Variants in ADGRF5 observed in about 807,000 individuals in gnomAD.
ADGRF5 encodes adhesion G protein-coupled receptor F5, also known as G-protein coupled receptor 116.
ADGRF5 carries 75 observed loss-of-function variants against 132.3 expected under a neutral mutation model. That is an observed-to-expected ratio of 0.57 (90% confidence interval 0.47 to 0.69). The LOEUF (loss-of-function observed/expected upper bound fraction) is 0.69, where lower values mean the gene tolerates loss of function less well. Among genes scored for constraint, ADGRF5 ranks in the 30% least tolerant of loss-of-function variants. The pLI, the probability that ADGRF5 is intolerant of heterozygous loss-of-function variation, is 0.00. For synonymous variants in ADGRF5, 629 were observed against 597.6 expected, an observed-to-expected ratio of 1.05 and a Z score of -0.77; for missense variants, 1,516 against 1,630.6, an observed-to-expected ratio of 0.93 and a Z score of 1.21.
rs574350558 is a variant in ADGRF5 at position 46,885,913 on chromosome 6, C to A, written c.329-1642G>T. On this transcript the variant is annotated intron_variant, in intron 4 of 20. Coordinates refer to ENST00000283296, the MANE Select transcript of ADGRF5 (RefSeq NM_001098518.2). ...TATAAATACAATGATTTAAAAAACT[C>A]TCAGATAATAACTGTTTGTTATTTT... 5.9e-5 allele frequency among the ~76,000 whole-genome samples: 9 copies of A among 152,306 alleles called. No individual in the cohort carries two copies. The South Asian group carries it at 1.9e-3, about 32-fold the overall frequency.
At chr6:46,881,652 A>G in intron 7 of ADGRF5, 55 bp from the exon 8 acceptor site, 3 of 1,509,242 alleles carry the variant, frequency 2.0e-6, no homozygotes, top group Middle Eastern at 3.5e-4. Flanking sequence ...AAGAGTCTAG[A>G]TATTTATGGC....
intron 1 of ADGRF5, among the ~76,000 whole-genome samples, chr6:46,951,894 G>A (rs1778514270): frequency 6.6e-6 from 1 of 152,192 alleles, no homozygotes; most frequent in Non-Finnish European, 1.5e-5. Flanking sequence ...TAATAAAATG[G>A]CTCTCTTAAG....
chr6:46,860,050 G>A (rs572037016), intron 16 of ADGRF5, among the ~76,000 whole-genome samples: 4 of 152,108 alleles, frequency 2.6e-5, no homozygotes, highest in Admixed American at 6.5e-5. Context: ...TGCTCTCCCC[G>A]CTGCAGTCCC....
At chr6:46,885,805 G>A (rs989926996) in intron 4 of ADGRF5, among the ~76,000 whole-genome samples, 23 of 152,252 alleles carry the variant, frequency 1.5e-4, no homozygotes, top group Middle Eastern at 3.4e-3. Context: ...AAGTTTATAC[G>A]TGTATAGAAG....
intron 15 of ADGRF5, among the ~76,000 whole-genome samples, chr6:46,861,732 G>A (rs1347228784): frequency 1.3e-5 from 2 of 152,168 alleles, no homozygotes; most frequent in Non-Finnish European, 2.9e-5. Context: ...CACACAGTAA[G>A]TATCCAGTAA....
chr6:46,953,673 A>G (rs984752794), intron 1 of ADGRF5, among the ~76,000 whole-genome samples: 1 of 135,092 alleles, frequency 7.4e-6, no homozygotes, highest in Non-Finnish European at 1.6e-5. Context: ...ATATATATAT[A>G]TATATATATA....
chr6:46,871,011 T>C (rs1161645797), intron 11 of ADGRF5: 1 of 152,392 alleles, frequency 6.6e-6, no homozygotes, highest in Non-Finnish European at 1.4e-5. Flanking sequence ...ATATATTAGA[T>C]ATATAGATAG....
chr6:46,885,626 G>A (rs1486389999), intron 4 of ADGRF5, among the ~76,000 whole-genome samples: 2 of 152,152 alleles, frequency 1.3e-5, no homozygotes, highest in African/African-American at 2.4e-5. Flanking sequence ...AAAAAGAAGG[G>A]TCAACCTTGG....
chr6:46,883,222 C>G (rs891385297), intron 6 of ADGRF5, among the ~76,000 whole-genome samples: 2 of 152,164 alleles, frequency 1.3e-5, no homozygotes, highest in Admixed American at 1.3e-4. Context: ...GGGTTTCATT[C>G]ATGTGATATA....
In ADGRF5 at chr6:46,859,047, C is replaced by A. The variant is rs768306801; in HGVS notation, c.2856G>T (p.Thr952=). ...FKNNSPSGGE[T]KCVFWNFRLA... is the part of the protein sequence containing the mutation. Reference sequence around the variant, plus strand: ...GCCTGAAGTTCCAGAAGACACACTTCGTTTCGCCGCCTGAAGGGCTATTGT... The same window carrying A: ...GCCTGAAGTTCCAGAAGACACACTTAGTTTCGCCGCCTGAAGGGCTATTGT... Residue 952 remains threonine (T), a synonymous_variant, in exon 17 of 21, where the codon ACG becomes ACT. Transcript: ENST00000283296. 2.5e-6 allele frequency: 4 copies of A among 1,614,064 alleles called. No individual in the cohort carries two copies. In the African/African-American group the frequency reaches 4.0e-5, roughly 16 times the overall value.
chr6:46,935,893 C>A (rs772384027), intron 1 of ADGRF5, among the ~76,000 whole-genome samples: 2 of 152,114 alleles, frequency 1.3e-5, no homozygotes, highest in African/African-American at 4.8e-5. Flanking sequence ...AAGCAGGAAG[C>A]CTTGTAGGGG....
intron 15 of ADGRF5, among the ~76,000 whole-genome samples, chr6:46,861,627 T>C (rs542595347): frequency 2.6e-5 from 4 of 152,342 alleles, no homozygotes; most frequent in Admixed American, 1.3e-4. Flanking sequence ...TCCAATTAAA[T>C]TATAAGCTCC....
chr6:46,933,618 A>G (rs1777670510), intron 1 of ADGRF5, among the ~76,000 whole-genome samples: 1 of 152,208 alleles, frequency 6.6e-6, no homozygotes, highest in African/African-American at 2.4e-5. Context: ...TTTAAAGGGT[A>G]AGAGATTGAA....
chr6:46,892,945 A>G (rs888081026), intron 3 of ADGRF5, among the ~76,000 whole-genome samples: 2 of 152,166 alleles, frequency 1.3e-5, no homozygotes, highest in African/African-American at 4.8e-5. Flanking sequence ...CACAGGGTGA[A>G]TAAAAGGAGC....
chr6:46,915,630 A>G (rs934138631), intron 1 of ADGRF5, among the ~76,000 whole-genome samples: 1 of 151,656 alleles, frequency 6.6e-6, no homozygotes, highest in African/African-American at 2.4e-5. Context: ...TTAGCCAATG[A>G]CTTCTCTTCT....
At chr6:46,932,130 C>A (rs1777582769) in intron 1 of ADGRF5, among the ~76,000 whole-genome samples, 1 of 152,104 alleles carries the variant, frequency 6.6e-6, no homozygotes, top group Admixed American at 6.6e-5. Context: ...TTTTACCATG[C>A]AAGTTTCTGG....
At chr6:46,914,848 A>ATTTTTTTTGTTTGTTTGTTTGT (rs1554211501) in intron 1 of ADGRF5, among the ~76,000 whole-genome samples, 3 of 150,530 alleles carry the variant, frequency 2.0e-5, no homozygotes, top group African/African-American at 7.3e-5. Context: ...GTTTGTTTTT[A>ATTTTTTTTGTTTGTTTGTTTGT]TTTTTTTTGT....
At chr6:46,913,616 G>C (rs1776167590) in intron 1 of ADGRF5, among the ~76,000 whole-genome samples, 1 of 152,206 alleles carries the variant, frequency 6.6e-6, no homozygotes, top group African/African-American at 2.4e-5. Context: ...TATGCTCTCA[G>C]CAAAGGAAAT....
In ADGRF5 at chr6:46,858,663, T is replaced by C. The variant is rs149215108; in HGVS notation, c.3240A>G (p.Ile1080Met). The change falls in exon 17 of 21, where the codon ATA becomes ATG. Residue 1080 changes from isoleucine (I) to methionine (M), a missense_variant. By Grantham distance (10) the Ile-to-Met change is conservative. Coordinates refer to ENST00000283296, the MANE Select transcript of ADGRF5 (RefSeq NM_001098518.2). ...CAGCCACACAGGCTGTCTTGCAGAG[T>C]ATGTAGCGATTGTCCTGGATGGCAG... ...VVAAIQDNRY[I>M]LCKTACVAAT... 204 of 1,613,512 alleles carry C rather than the reference T, an allele frequency of 1.3e-4. 1 individual carries two copies. Among genetic ancestry groups the C allele is most frequent in the Non-Finnish European group, 3.3e-5 (39 of 1,179,916 alleles).
Sources: gnomAD v4.1 joint callset for allele counts (sites outside exome capture counted in the v4.1 genomes callset) on GRCh38, gnomAD v4.1.1 for gene constraint, MANE v1.5 for transcripts, NCBI Gene and HGNC (gene_info 2026-07-23, HGNC 2026-07-21) for gene names.